ZER1: variants seen among roughly 807,000 people sequenced by gnomAD.
The protein encoded by ZER1 is zyg-11 related cell cycle regulator.
A neutral mutation model predicts 78.8 loss-of-function variants in ZER1; 11 were observed. The observed-to-expected ratio is 0.14, with a 90% CI of 0.09 to 0.23. The LOEUF (loss-of-function observed/expected upper bound fraction) is 0.23, where lower values mean the gene tolerates loss of function less well. Among genes scored for constraint, ZER1 ranks in the 10% least tolerant of loss-of-function variants. ZER1 has a pLI of 1.00. For missense variants in ZER1, 588 were observed against 996.9 expected, an observed-to-expected ratio of 0.59 and a Z score of 5.52; for synonymous variants, 400 against 407.0, an observed-to-expected ratio of 0.98 and a Z score of 0.21.
Position 128,740,243 on chromosome 9 carries a change from C to T in ZER1, c.1854-124G>A, listed in dbSNP as rs1863243792. 1.8e-5 allele frequency: 17 copies of T among 957,652 alleles called. No homozygotes were observed. In the East Asian group the frequency reaches 4.5e-4, roughly 26 times the overall value. 59.3% of individuals were successfully genotyped at this position (957,652 alleles called of 1,614,324 possible). A position where few individuals can be genotyped will look rare whatever the true frequency, so the allele number is the denominator to read the frequency against. On this transcript the variant is annotated intron_variant, in intron 12 of 15. Coordinates refer to ENST00000291900, the MANE Select transcript of ZER1 (RefSeq NM_006336.4). The surrounding 1 kb of genome is among the most constrained non-coding windows in gnomAD (Gnocchi z 4.4). ...TACTTATTTCTTTATCCCATATCGT[C>T]TATATACCCAGACTACTTCTAAAGG...
chr9:128,737,325 T>C (rs1202480104), intron 13 of ZER1, among the ~76,000 whole-genome samples: 2 of 152,092 alleles, frequency 1.3e-5, no homozygotes, highest in Non-Finnish European at 2.9e-5. Flanking sequence ...TGGGCCAGCC[T>C]GGAGTCATGG....
chr9:128,750,718 G>A lies in ZER1; in HGVS notation c.1257C>T (p.Phe419=). The stretch of plus-strand genomic sequence containing the variant: ...AGCGGTACTCGGAATTTGTTAGGTA[G>A]AAGAGAGCGGCGCTGCCTGTCACTT... ...NIQVTGSAAL[F]YLTNSEYRSE... Residue 419 remains phenylalanine (F), a synonymous_variant, in exon 8 of 16, where the codon TTC becomes TTT. Coordinates refer to ENST00000291900, the MANE Select transcript of ZER1 (RefSeq NM_006336.4). 6.2e-7 allele frequency: 1 copy of A among 1,614,244 alleles called. No individual in the cohort carries two copies.
Position 128,752,686 on chromosome 9 carries a change from C to T in ZER1, c.910G>A (p.Ala304Thr). The T allele has an allele frequency of 1.2e-6, 2 of 1,613,076 alleles. No individual in the cohort carries two copies. Among genetic ancestry groups the T allele is most frequent in the Non-Finnish European group, 1.7e-6 (2 of 1,179,492 alleles). ...CTGGGGCCCCACCTGGTCTGCCCCG[C>T]TTCCTCTTCCATCTTGGAGATGCTG... ...NCSISKMEEEAGQTSIEPSKS... is the reference protein window; with the variant it reads ...NCSISKMEEETGQTSIEPSKS... The change falls in exon 5 of 16, where the codon GCG (alanine) becomes ACG (threonine). Residue 304 changes from alanine to threonine, a missense_variant. This residue lies in a region of ZER1 where 406 missense variants were observed against 660.1 expected (regional missense o/e 0.62). Coordinates refer to ENST00000291900, the MANE Select transcript of ZER1 (RefSeq NM_006336.4).
At chr9:128,759,139 G>A (rs557553230) in intron 1 of ZER1, among the ~76,000 whole-genome samples, 1 of 152,004 alleles carries the variant, frequency 6.6e-6, no homozygotes, top group African/African-American at 2.4e-5. Context: ...TGGGATTACA[G>A]GCATGGGCCA....
In ZER1 at chr9:128,732,091, C is replaced by T. The variant is rs970917861; in HGVS notation, c.2244-697G>A. Reference sequence around the variant, plus strand: ...CCCAATACCTTTTAGGAAACAAATACCCAGAGTGGGAGAGAGGTCAGTGGA... The same window carrying T: ...CCCAATACCTTTTAGGAAACAAATATCCAGAGTGGGAGAGAGGTCAGTGGA... On this transcript the variant is annotated intron_variant, in intron 15 of 15. Coordinates refer to ENST00000291900, the MANE Select transcript of ZER1 (RefSeq NM_006336.4). This position sits in a 1 kb window ranked among gnomAD's most constrained non-coding sequence, Gnocchi z 4.8. 4.6e-5 allele frequency among the ~76,000 whole-genome samples: 7 copies of T among 152,224 alleles called. No individual in the cohort carries two copies. Among genetic ancestry groups the T allele is most frequent in the African/African-American group, 1.7e-4 (7 of 41,456 alleles).
chr9:128,750,526 C>T, intron 8 of ZER1, 90 bp downstream of exon 8: 1 of 1,476,740 alleles, frequency 6.8e-7, no homozygotes, highest in Non-Finnish European at 9.2e-7. Context: ...CAGATGCAGC[C>T]CAGAGCCGGG....
At position 128,735,441 on chromosome 9, in the gene ZER1, A is replaced by G. The variant is rs766334935; in HGVS notation, c.2043-10T>C. 1.2e-6 allele frequency: 2 copies of G among 1,612,454 alleles called. No homozygotes were observed. Among genetic ancestry groups the G allele is most frequent in the South Asian group, 2.2e-5 (2 of 90,842 alleles). ...AATTGGTTCAAATGACCTGCAGGAA[A>G]AGAAATCAAGGTCACTGTGGATGCT... is the stretch of plus-strand genomic sequence containing the variant. On this transcript the variant is annotated splice_polypyrimidine_tract_variant and intron_variant, in intron 13 of 15. Transcript: ENST00000291900.
chr9:128,745,289 C>T (rs1184216159), intron 8 of ZER1, among the ~76,000 whole-genome samples: 1 of 149,758 alleles, frequency 6.7e-6, no homozygotes, highest in Non-Finnish European at 1.5e-5. Context: ...TGGGCTGAAG[C>T]AATCCTCCTA....
intron 1 of ZER1, among the ~76,000 whole-genome samples, chr9:128,760,926 G>A (rs892745168): frequency 2.0e-5 from 3 of 152,060 alleles, no homozygotes; most frequent in African/African-American, 4.8e-5. Context: ...TTGGGAGGCC[G>A]AGGCAGGCGA....
At chr9:128,760,505 A>G (rs1031232751) in intron 1 of ZER1, among the ~76,000 whole-genome samples, 5 of 152,168 alleles carry the variant, frequency 3.3e-5, no homozygotes, top group Admixed American at 6.6e-5. Flanking sequence ...CCCAGCCCCA[A>G]AAGTTTTCTT....
Position 128,761,051 on chromosome 9 carries a change from G to A in ZER1, c.-94-5392C>T, listed in dbSNP as rs1343874552. Reference sequence around the variant, plus strand: ...TGGGCACCTATAGTCCCAGCTACTCGGGAGGCTGAGGTAGAAGAATGGTGT... The same window carrying A: ...TGGGCACCTATAGTCCCAGCTACTCAGGAGGCTGAGGTAGAAGAATGGTGT... On this transcript the variant is annotated intron_variant, in intron 1 of 15. Transcript: ENST00000291900. Among the ~76,000 whole-genome samples, 30 of 149,280 alleles carry A rather than the reference G, an allele frequency of 2.0e-4. 1 individual carries two copies. The highest frequency in any genetic ancestry group is 5.9e-5 in the Non-Finnish European group (4 of 67,354).
At chr9:128,766,427 C>A (rs1384867632) in intron 1 of ZER1, among the ~76,000 whole-genome samples, 1 of 151,560 alleles carries the variant, frequency 6.6e-6, no homozygotes, top group African/African-American at 2.4e-5. Flanking sequence ...CCCAACAAGG[C>A]AGGAGTTACC....
intron 13 of ZER1, among the ~76,000 whole-genome samples, chr9:128,736,824 A>T (rs1040703869): frequency 6.6e-6 from 1 of 151,798 alleles, no homozygotes; most frequent in Non-Finnish European, 1.5e-5. Context: ...TATAGGTGTG[A>T]GCCACCATGC....
At chr9:128,770,850 A>AC (rs938831466) in intron 1 of ZER1, among the ~76,000 whole-genome samples, 8 of 152,160 alleles carry the variant, frequency 5.3e-5, no homozygotes, top group African/African-American at 1.9e-4. Flanking sequence ...AAGACATCAG[A>AC]CATTCCATTC....
In ZER1 at chr9:128,740,214, G is replaced by C; in HGVS notation, c.1854-95C>G. ...CCCAACTTAAAACCAGAAGCAAGAG[G>C]TGCTACTTATTTCTTTATCCCATAT... is the stretch of plus-strand genomic sequence containing the variant. On this transcript the variant is annotated intron_variant, in intron 12 of 15. Coordinates refer to ENST00000291900, the MANE Select transcript of ZER1 (RefSeq NM_006336.4). The surrounding 1 kb of genome is among the most constrained non-coding windows in gnomAD (Gnocchi z 4.4). The C allele has an allele frequency of 8.0e-7, 1 of 1,243,924 alleles. No homozygotes were observed. The highest frequency in any genetic ancestry group is 1.1e-6 in the Non-Finnish European group (1 of 899,076). The allele number at this position is 1,243,924 out of a possible 1,614,324, so 77.1% of individuals were successfully genotyped here.
chr9:128,739,221 A>C (rs1405613263), intron 13 of ZER1, among the ~76,000 whole-genome samples: 4 of 151,978 alleles, frequency 2.6e-5, no homozygotes, highest in Non-Finnish European at 2.9e-5. Flanking sequence ...TCTTGGGCTC[A>C]GCTGGACGCA....
In ZER1 at chr9:128,738,543, G is replaced by A. The variant is rs200088842; in HGVS notation, c.2042+1388C>T. Among the ~76,000 whole-genome samples the A allele has an allele frequency of 5.5e-3, 760 of 138,740 alleles. 5 individuals carry two copies. The highest frequency in any genetic ancestry group is 0.015 in the African/African-American group (548 of 36,856). 91.0% of individuals were successfully genotyped at this position (138,740 alleles called of 152,430 possible). ...TGGGACTACAGGCGCATGCCACCAC[G>A]CCCGGCTAATTTTTTGTATTTTTAG... On this transcript the variant is annotated intron_variant, in intron 13 of 15. Transcript: ENST00000291900.
At chr9:128,763,572 G>A (rs772519167) in intron 1 of ZER1, among the ~76,000 whole-genome samples, 2 of 152,232 alleles carry the variant, frequency 1.3e-5, no homozygotes, top group African/African-American at 2.4e-5. Context: ...TCCACCTACA[G>A]GGCCCATAAG....
Position 128,740,050 on chromosome 9 carries a change from G to T in ZER1, c.1923C>A (p.Ile641=), listed in dbSNP as rs781399902. 3 of 1,613,910 alleles carry T rather than the reference G, an allele frequency of 1.9e-6. No homozygotes were observed. The highest frequency in any genetic ancestry group is 2.5e-6 in the Non-Finnish European group (3 of 1,179,948). ...CCCAGGCCTCGGGTCCATCAAACATGATGTGGGAGAGGACGCCGCAGGCAT... is the reference window on the plus strand; with the variant it reads ...CCCAGGCCTCGGGTCCATCAAACATTATGTGGGAGAGGACGCCGCAGGCAT... The part of the protein sequence containing the change: ...SYNACGVLSH[I]MFDGPEAWGV... The change falls in exon 13 of 16, where the codon ATC becomes ATA. Residue 641 remains isoleucine (I), a synonymous_variant. Transcript: ENST00000291900. The surrounding 1 kb of genome is among the most constrained non-coding windows in gnomAD (Gnocchi z 4.4).
Sources: gnomAD v4.1 joint callset for allele counts (sites outside exome capture counted in the v4.1 genomes callset) on GRCh38, gnomAD v4.1.1 for gene constraint, gnomAD v4.1.1 regional missense constraint, Gnocchi (gnomAD v3.1) non-coding constraint, MANE v1.5 for transcripts, NCBI Gene and HGNC (gene_info 2026-07-23, HGNC 2026-07-21) for gene names.